The following CSMD1 variants were observed in gnomAD, a reference collection of about 807,000 sequenced individuals.
CSMD1 encodes CUB and sushi domain-containing protein 1.
Under a neutral mutation model 417.5 loss-of-function variants are expected in CSMD1, and 213 were observed. That is an observed-to-expected ratio of 0.51 (90% CI 0.46 to 0.57). The LOEUF is 0.57. Among genes scored for constraint, CSMD1 ranks in the 20% least tolerant of loss-of-function variants. The pLI is 0.00. For missense variants in CSMD1, 6,923 were observed against 4,529.7 expected (o/e 1.53, Z -15.17); for synonymous variants, 2,862 against 1,736.8 (o/e 1.65, Z -16.11).
intron 68 of CSMD1, among the ~76,000 whole-genome samples, chr8:2,947,670 T>A (rs967079707): frequency 6.6e-6 from 1 of 152,156 alleles, no homozygotes; most frequent in African/African-American, 2.4e-5. Context: ...CTCACTGGGG[T>A]GTCCTTCAAC....
At chr8:4,359,951 G>T (rs998690668) in intron 3 of CSMD1, among the ~76,000 whole-genome samples, 1 of 152,188 alleles carries the variant, frequency 6.6e-6, no homozygotes, top group East Asian at 1.9e-4. Context: ...CCCTACTGGA[G>T]ATCTTCCACA....
intron 47 of CSMD1, among the ~76,000 whole-genome samples, chr8:3,094,087 T>TC (rs935084032): frequency 6.6e-6 from 1 of 151,096 alleles, no homozygotes; most frequent in Non-Finnish European, 1.5e-5. Context: ...TTTAGGGTTT[T>TC]TTTTATTTTA....
At position 4,651,802 on chromosome 8, in the gene CSMD1, C is replaced by T. The variant is rs192935605; in HGVS notation, c.86-14244G>A. On this transcript the variant is annotated intron_variant, in intron 1 of 69. Coordinates refer to ENST00000635120, the MANE Select transcript of CSMD1 (RefSeq NM_033225.6). ...AAGCTGTGTGATTATTAGGGGTGAC[C>T]TAATTTGATTTACTGAACCAAACAG... Among the ~76,000 whole-genome samples the T allele has an allele frequency of 5.5e-3, 837 of 152,216 alleles. 11 individuals carry two copies. The highest frequency in any genetic ancestry group is 6.8e-3 in the Middle Eastern group (2 of 294).
intron 1 of CSMD1, among the ~76,000 whole-genome samples, chr8:4,840,337 C>A (rs1421595525): frequency 3.9e-5 from 6 of 152,216 alleles, no homozygotes; most frequent in African/African-American, 1.4e-4. Flanking sequence ...TAACTGTTAT[C>A]TGTAATGCAA....
intron 1 of CSMD1, among the ~76,000 whole-genome samples, chr8:4,658,118 C>G (rs926776183): frequency 6.6e-6 from 1 of 151,692 alleles, no homozygotes; most frequent in African/African-American, 2.4e-5. Context: ...CACCATGAAA[C>G]ATAACAATAT....
At chr8:4,449,599 C>G (rs1381962275) in intron 2 of CSMD1, among the ~76,000 whole-genome samples, 1 of 152,102 alleles carries the variant, frequency 6.6e-6, no homozygotes, top group East Asian at 1.9e-4. Flanking sequence ...TAGAGATAAT[C>G]AATATTCACT....
intron 41 of CSMD1, among the ~76,000 whole-genome samples, chr8:3,119,900 C>A (rs957487961): frequency 6.6e-6 from 1 of 152,174 alleles, no homozygotes; most frequent in African/African-American, 2.4e-5. Flanking sequence ...GGTCACCGGT[C>A]ACTGTCCTCA....
chr8:4,323,297 C>G (rs747483858), intron 3 of CSMD1, among the ~76,000 whole-genome samples: 1 of 152,128 alleles, frequency 6.6e-6, no homozygotes, highest in East Asian at 1.9e-4. Context: ...ACTTATTTCA[C>G]ACAGTCTTAC....
intron 5 of CSMD1, among the ~76,000 whole-genome samples, chr8:3,761,915 C>CT (rs550487289): frequency 6.6e-4 from 100 of 152,208 alleles, no homozygotes; most frequent in Non-Finnish European, 1.2e-3. Flanking sequence ...CTCTGGCTCT[C>CT]TTTTTTCTGG....
chr8:3,157,930 G>A lies in CSMD1; in HGVS notation c.5881C>T (p.Arg1961Cys). The A allele has an allele frequency of 1.3e-6, 2 of 1,555,008 alleles. No individual in the cohort carries two copies. Among genetic ancestry groups the A allele is most frequent in the African/African-American group, 1.4e-5 (1 of 73,276 alleles). The part of the protein sequence containing the change: ...SHISCMPGTV[R>C]RWNYPSPLCI... ...AGGGGAGACGGATAGTTCCAACGGC[G>A]AACGGTCCCTGGCATACAGGAAATG... Residue 1961 changes from arginine (R) to cysteine (C), a missense_variant, in exon 39 of 70, where the codon CGC becomes TGC. Transcript: ENST00000635120.
chr8:4,366,594 T>A (rs1400017760), intron 3 of CSMD1, among the ~76,000 whole-genome samples: 1 of 151,510 alleles, frequency 6.6e-6, no homozygotes, highest in Non-Finnish European at 1.5e-5. Context: ...GCATCTGTTG[T>A]TTTTTTTGCT....
intron 49 of CSMD1, among the ~76,000 whole-genome samples, chr8:3,065,607 AAGAT>A (rs1812890759): frequency 1.3e-5 from 2 of 152,172 alleles, no homozygotes; most frequent in South Asian, 4.1e-4. Flanking sequence ...GGAAGATAGA[AAGAT>A]AGGAAGATGA....
intron 3 of CSMD1, among the ~76,000 whole-genome samples, chr8:4,296,181 G>A (rs1797671272): frequency 1.3e-5 from 2 of 152,130 alleles, no homozygotes; most frequent in African/African-American, 4.8e-5. Context: ...TCTCCCTCCT[G>A]GCACCTTAGT....
chr8:3,181,020 C>A, intron 37 of CSMD1, 90 bp downstream of exon 37: 1 of 771,012 alleles, frequency 1.3e-6, no homozygotes. Context: ...AATAATATTT[C>A]ACTGTTTAAT....
rs754517762 is a variant in CSMD1, at chr8:3,709,651, G to T, written c.932-1160C>A. Among the ~76,000 whole-genome samples the T allele has an allele frequency of 3.1e-5, 4 of 127,594 alleles. No individual in the cohort carries two copies. In the Admixed American group the frequency reaches 3.8e-4, roughly 12 times the overall value. The allele number at this position is 127,594 out of a possible 152,430, so 83.7% of individuals were successfully genotyped here. On this transcript the variant is annotated intron_variant, in intron 6 of 69. Transcript: ENST00000635120. ...CCCAGTAGAGGCAAGACTTCCTCCTGCCTGATGGGCTTTAAATTGCAGCAG... is the reference window on the plus strand; with the variant it reads ...CCCAGTAGAGGCAAGACTTCCTCCTTCCTGATGGGCTTTAAATTGCAGCAG...
intron 12 of CSMD1, among the ~76,000 whole-genome samples, chr8:3,445,686 G>A (rs112837211): frequency 1.3e-5 from 2 of 152,144 alleles, no homozygotes; most frequent in Non-Finnish European, 2.9e-5. Context: ...GAGGGGACGA[G>A]AGGAAACAAG....
chr8:4,035,460 G>C (rs1027064481), intron 3 of CSMD1, among the ~76,000 whole-genome samples: 10 of 152,160 alleles, frequency 6.6e-5, no homozygotes, highest in East Asian at 1.9e-4. Context: ...TCCAAAAGGA[G>C]GCATTATTAT....
Position 3,030,118 on chromosome 8 carries a change from G to T in CSMD1, c.7661-605C>A, listed in dbSNP as rs981104473. Among the ~76,000 whole-genome samples, 14 of 152,030 alleles carry T rather than the reference G, an allele frequency of 9.2e-5. 1 individual carries two copies. The highest frequency in any genetic ancestry group is 5.9e-4 in the Admixed American group (9 of 15,244). On this transcript the variant is annotated intron_variant, in intron 50 of 69. Transcript: ENST00000635120. Reference sequence around the variant, plus strand: ...TCCTTAGAAAAGGGCCTAGAATATAGCAGTTACTTAAGAAAGAGTAGTAGC... The same window carrying T: ...TCCTTAGAAAAGGGCCTAGAATATATCAGTTACTTAAGAAAGAGTAGTAGC...
chr8:4,488,799 G>A (rs1392185648), intron 2 of CSMD1, among the ~76,000 whole-genome samples: 1 of 152,110 alleles, frequency 6.6e-6, no homozygotes, highest in East Asian at 1.9e-4. Flanking sequence ...AATACTCTAT[G>A]TCCATATTTC....
Sources: gnomAD v4.1 joint callset for allele counts (sites outside exome capture counted in the v4.1 genomes callset) on GRCh38, gnomAD v4.1.1 for gene constraint, MANE v1.5 for transcripts, NCBI Gene and HGNC (gene_info 2026-07-23, HGNC 2026-07-21) for gene names.